Variants in CCNY observed in about 807,000 individuals in gnomAD.
CCNY encodes the protein cyclin Y.
Under a neutral mutation model 42.8 loss-of-function variants are expected in CCNY, and 19 were observed. The observed-to-expected ratio is 0.44, with a 90% confidence interval of 0.31 to 0.65. CCNY has a LOEUF of 0.65. Among genes scored for constraint, CCNY ranks in the 30% least tolerant of loss-of-function variants. CCNY has a pLI of 0.07. For synonymous variants in CCNY, 165 were observed against 162.7 expected (o/e 1.01, Z -0.11); for missense variants, 370 against 437.3 (o/e 0.85, Z 1.37).
chr10:35,285,488 G>A (rs1285450424), intron 3 of CCNY, among the ~76,000 whole-genome samples: 4 of 152,082 alleles, frequency 2.6e-5, no homozygotes, highest in African/African-American at 7.2e-5. Context: ...GTGGTGGTGC[G>A]ATCACAGCTC....
intron 1 of CCNY, among the ~76,000 whole-genome samples, chr10:35,458,949 G>A (rs1839097579): frequency 6.6e-6 from 1 of 152,168 alleles, no homozygotes; most frequent in Non-Finnish European, 1.5e-5. Flanking sequence ...GTGAGGGGCA[G>A]ATAGGGAGGC....
In CCNY at chr10:35,569,175, G is replaced by A. The variant is rs769949497; in HGVS notation, c.*5G>A. On this transcript the variant is annotated 3_prime_UTR_variant, in exon 10 of 10. Transcript: ENST00000374704. Reference sequence around the variant, plus strand: ...TCCCCAGCCATCATCTCTTAACTACGGAGGCCCGCCGGAGGCCACACCATC... The same window carrying A: ...TCCCCAGCCATCATCTCTTAACTACAGAGGCCCGCCGGAGGCCACACCATC... 1.5e-5 allele frequency: 24 copies of A among 1,551,234 alleles called. No homozygotes were observed. The highest frequency in any genetic ancestry group is 1.7e-4 in the Middle Eastern group (1 of 5,972).
At chr10:35,514,640 C>A (rs1288622237) in intron 3 of CCNY, among the ~76,000 whole-genome samples, 5 of 152,168 alleles carry the variant, frequency 3.3e-5, no homozygotes, top group Non-Finnish European at 7.4e-5. Flanking sequence ...CTTAGGGAAA[C>A]CATTTATTCT....
chr10:35,428,777 A>G lies in CCNY; in HGVS notation c.155-54627A>G, dbSNP rs116026945. On this transcript the variant is annotated intron_variant, in intron 1 of 9. Coordinates refer to ENST00000374704, the MANE Select transcript of CCNY (RefSeq NM_145012.6). ...GAGAGATTTAGGTGGTGGCATTGAC[A>G]GGACATGGTTTAGAGATGTGTTGGG... 3.6e-3 allele frequency among the ~76,000 whole-genome samples: 545 copies of G among 152,224 alleles called. 5 individuals carry two copies. The highest frequency in any genetic ancestry group is 0.012 in the African/African-American group (517 of 41,536).
intron 3 of CCNY, among the ~76,000 whole-genome samples, chr10:35,309,787 T>C (rs1156996440): frequency 1.3e-5 from 2 of 152,052 alleles, no homozygotes; most frequent in South Asian, 2.1e-4. Context: ...CTGGAGTACA[T>C]GTGTTATTTA....
chr10:35,468,124 T>A (rs1839308006), intron 1 of CCNY, among the ~76,000 whole-genome samples: 1 of 152,250 alleles, frequency 6.6e-6, no homozygotes, highest in Non-Finnish European at 1.5e-5. Flanking sequence ...ATCAAGGTGC[T>A]GGCAGATTTG....
At chr10:35,557,543 G>A (rs537141995) in intron 8 of CCNY, among the ~76,000 whole-genome samples, 7 of 152,142 alleles carry the variant, frequency 4.6e-5, no homozygotes, top group Non-Finnish European at 1.0e-4. Context: ...GATCACTTGA[G>A]GTCAGGAGTT....
chr10:35,312,836 C>T (rs1835706101), intron 3 of CCNY, among the ~76,000 whole-genome samples: 1 of 148,316 alleles, frequency 6.7e-6, no homozygotes, highest in South Asian at 2.1e-4. Flanking sequence ...TCTGTAGCCT[C>T]AAACTCCTAG....
chr10:35,389,566 A>G (rs140991897), intron 1 of CCNY, among the ~76,000 whole-genome samples: 4,233 of 151,656 alleles, frequency 0.028, 214 homozygotes, highest in African/African-American at 0.096. Context: ...CAGCCTCCCA[A>G]GTAGCTGGGA....
In CCNY at chr10:35,273,504, G is replaced by A. The variant is rs187833007; in HGVS notation, c.-9+22878G>A. Among the ~76,000 whole-genome samples the A allele has an allele frequency of 4.4e-4, 67 of 151,900 alleles. 1 individual carries two copies. In the East Asian group the frequency reaches 0.011, roughly 26 times the overall value. ...ACAGGCATGAGCCACTGTGGCCGGCGATCCTCCTCATTCTTACCAGCTCAT... is the reference window on the plus strand; with the variant it reads ...ACAGGCATGAGCCACTGTGGCCGGCAATCCTCCTCATTCTTACCAGCTCAT... On this transcript the variant is annotated intron_variant, in intron 3 of 11. Transcript: ENST00000374706.
intron 1 of CCNY, among the ~76,000 whole-genome samples, chr10:35,468,887 C>T (rs1217781836): frequency 6.6e-6 from 1 of 152,110 alleles, no homozygotes; most frequent in Non-Finnish European, 1.5e-5. Flanking sequence ...CCCTGCCAGC[C>T]CAGCCTCCTT....
rs983746285 is a variant in CCNY, at chr10:35,336,646, G to A, written c.-408G>A. Among the ~76,000 whole-genome samples, 2 of 147,964 alleles carry A rather than the reference G, an allele frequency of 1.4e-5. No individual in the cohort carries two copies. The highest frequency in any genetic ancestry group is 4.9e-5 in the African/African-American group (2 of 41,004). On this transcript the variant is annotated 5_prime_UTR_variant, in exon 1 of 10. Transcript: ENST00000374704. ...CCGGCTTGAACCGGAACCTCTTGCC[G>A]AGGCGGCCGCCGTCGCCGCAGCCGC...
At chr10:35,458,462 A>G (rs543351960) in intron 1 of CCNY, among the ~76,000 whole-genome samples, 2 of 152,366 alleles carry the variant, frequency 1.3e-5, no homozygotes, top group African/African-American at 4.8e-5. Context: ...TCCTCATTCA[A>G]TAAATATTTA....
At chr10:35,261,170 C>T (rs954540798) in intron 3 of CCNY, among the ~76,000 whole-genome samples, 3 of 151,148 alleles carry the variant, frequency 2.0e-5, no homozygotes, top group East Asian at 3.9e-4. Context: ...GAAGGAGGAT[C>T]GCTTGAGGTC....
At chr10:35,460,148 C>A (rs1564419512) in intron 1 of CCNY, among the ~76,000 whole-genome samples, 1 of 152,140 alleles carries the variant, frequency 6.6e-6, no homozygotes, top group Non-Finnish European at 1.5e-5. Context: ...CCCTGATATC[C>A]CTGACCTAGT....
chr10:35,385,379 T>C (rs1008336848), intron 1 of CCNY, among the ~76,000 whole-genome samples: 1 of 152,244 alleles, frequency 6.6e-6, no homozygotes, highest in Non-Finnish European at 1.5e-5. Flanking sequence ...TATTTCCAAC[T>C]CCTGTGGTAC....
Position 35,345,423 on chromosome 10 carries a change from A to G in CCNY, c.154+8216A>G, listed in dbSNP as rs530664216. ...GGCGGAGCTTGCAGTGAACCGAGGT[A>G]GCGCCACTGCACTCTAGCCTGGGTG... On this transcript the variant is annotated intron_variant, in intron 1 of 9. Transcript: ENST00000374704. 5.6e-4 allele frequency among the ~76,000 whole-genome samples: 84 copies of G among 150,752 alleles called. 2 individuals are homozygous for G. The South Asian group carries it at 0.018, about 32-fold the overall frequency.
At chr10:35,330,148 A>G (rs181415650) in intron 3 of CCNY, among the ~76,000 whole-genome samples, 1 of 152,322 alleles carries the variant, frequency 6.6e-6, no homozygotes, top group East Asian at 1.9e-4. Flanking sequence ...GAGACACTCA[A>G]TAAATCCCCT....
chr10:35,264,742 C>CCTCCTAAGTAG (rs1565057231), intron 3 of CCNY, among the ~76,000 whole-genome samples: 1 of 151,990 alleles, frequency 6.6e-6, no homozygotes, highest in East Asian at 1.9e-4. Context: ...GCAACCTCAG[C>CCTCCTAAGTAG]CTCCCAGGTT....
Sources: gnomAD v4.1 joint callset for allele counts (sites outside exome capture counted in the v4.1 genomes callset) on GRCh38, gnomAD v4.1.1 for gene constraint, MANE v1.5 for transcripts, NCBI Gene and HGNC (gene_info 2026-07-23, HGNC 2026-07-21) for gene names.